Variants in MAPK6 observed in about 807,000 individuals in gnomAD.
The protein encoded by MAPK6 is ERK-3.
MAPK6 carries 19 observed loss-of-function variants against 59.3 expected under a neutral mutation model. The observed-to-expected ratio is 0.32, with a 90% CI of 0.22 to 0.47. The LOEUF is 0.47. Among genes scored for constraint, MAPK6 ranks in the 20% least tolerant of loss-of-function variants. The pLI is 1.00. For synonymous variants in MAPK6, 316 were observed against 290.3 expected (o/e 1.09, Z -0.90); for missense variants, 724 against 847.9 (o/e 0.85, Z 1.81).
chr15:52,056,161 T>C (rs571114575), intron 3 of MAPK6, among the ~76,000 whole-genome samples: 1 of 152,368 alleles, frequency 6.6e-6, no homozygotes, highest in Admixed American at 6.5e-5. Flanking sequence ...TCTTATTTTT[T>C]GGTGCATTTC....
chr15:51,997,901 ATTTTCTTTC>A (rs1246752175), intron 2 of MAPK6, among the ~76,000 whole-genome samples: 1 of 146,940 alleles, frequency 6.8e-6, no homozygotes, highest in Non-Finnish European at 1.5e-5. Flanking sequence ...CTTTAAAGTT[ATTTTCTTTC>A]TTTTCTTTCT....
chr15:52,051,203 G>T (rs992223967), intron 3 of MAPK6, among the ~76,000 whole-genome samples: 1 of 152,020 alleles, frequency 6.6e-6, no homozygotes, highest in Non-Finnish European at 1.5e-5. Context: ...GACTACAGGC[G>T]CCCGCCCCGT....
intron 5 of MAPK6, among the ~76,000 whole-genome samples, chr15:52,061,920 A>AT (rs1255950430): frequency 6.6e-6 from 1 of 152,214 alleles, no homozygotes; most frequent in Non-Finnish European, 1.5e-5. Flanking sequence ...AGGCATATTT[A>AT]TAAAGTCCTT....
At chr15:52,042,441 C>T (rs969326758) in intron 1 of MAPK6, among the ~76,000 whole-genome samples, 7 of 152,208 alleles carry the variant, frequency 4.6e-5, no homozygotes, top group African/African-American at 1.7e-4. Flanking sequence ...TTTTTACCCA[C>T]TCTTACCTCG....
At chr15:51,978,012 A>C (rs2057162128) in intron 1 of MAPK6, among the ~76,000 whole-genome samples, 1 of 151,940 alleles carries the variant, frequency 6.6e-6, no homozygotes, top group African/African-American at 2.4e-5. Flanking sequence ...GGTTGCTCAA[A>C]TATTTTACAG....
intron 3 of MAPK6, among the ~76,000 whole-genome samples, chr15:52,056,382 A>G (rs1032492632): frequency 6.6e-6 from 1 of 151,986 alleles, no homozygotes; most frequent in Non-Finnish European, 1.5e-5. Context: ...CTGACCCCAC[A>G]GTCCCTCAGC....
At chr15:51,982,045 C>G (rs185399276) in intron 1 of MAPK6, among the ~76,000 whole-genome samples, 41 of 152,256 alleles carry the variant, frequency 2.7e-4, no homozygotes, top group African/African-American at 9.9e-4. Context: ...CCCAACAGCA[C>G]AAACACAGAG....
intron 1 of MAPK6, among the ~76,000 whole-genome samples, chr15:52,027,249 C>G (rs1331947507): frequency 7.4e-6 from 1 of 135,804 alleles, no homozygotes; most frequent in Non-Finnish European, 1.5e-5. Flanking sequence ...ACTCGGGAGG[C>G]TGAGACAGAA....
intron 1 of MAPK6, chr15:51,971,947 G>T: frequency 1.7e-6 from 1 of 584,722 alleles, no homozygotes; most frequent in Admixed American, 2.7e-5. Context: ...GTCAATATCT[G>T]TTATTTGCCA....
At chr15:51,998,504 CTTTT>C (rs368179816) in intron 2 of MAPK6, among the ~76,000 whole-genome samples, 2 of 128,542 alleles carry the variant, frequency 1.6e-5, no homozygotes, top group Admixed American at 8.0e-5. Context: ...CGCACCTGGC[CTTTT>C]TTTTTTTTTT....
rs370792259 is a variant in MAPK6, at chr15:52,028,113, C to T, written c.-632+8737C>T. ...GACTACAGGCGCCTGCCACCACGCC[C>T]GGCTAATTTTTTGTATTTTTAGTAG... On this transcript the variant is annotated intron_variant, in intron 1 of 5. Coordinates refer to ENST00000261845, the MANE Select transcript of MAPK6 (RefSeq NM_002748.4). Among the ~76,000 whole-genome samples, 7 of 152,012 alleles carry T rather than the reference C, an allele frequency of 4.6e-5. No homozygotes were observed. The East Asian group carries it at 7.8e-4, about 17-fold the overall frequency.
chr15:52,053,942 C>T (rs1386183120), intron 3 of MAPK6, among the ~76,000 whole-genome samples: 1 of 151,770 alleles, frequency 6.6e-6, no homozygotes, highest in Non-Finnish European at 1.5e-5. Flanking sequence ...AGGCCTGAAA[C>T]AAGATTTTAA....
intron 1 of MAPK6, chr15:52,020,024 A>G (rs572455519): frequency 3.3e-5 from 5 of 152,554 alleles, no homozygotes; most frequent in Non-Finnish European, 4.4e-5. Context: ...GAGTCTTGCC[A>G]TGAATGAGGT....
At chr15:51,997,921 TTC>T (rs371955119) in intron 2 of MAPK6, among the ~76,000 whole-genome samples, 1 of 149,844 alleles carries the variant, frequency 6.7e-6, no homozygotes, top group Non-Finnish European at 1.5e-5. Flanking sequence ...TTTTCTTTCT[TTC>T]TCTTTCTTTC....
chr15:52,055,917 A>G (rs545127125), intron 3 of MAPK6, among the ~76,000 whole-genome samples: 1 of 152,370 alleles, frequency 6.6e-6, no homozygotes, highest in East Asian at 1.9e-4. Context: ...ACTCTTAAGT[A>G]GCATAGTTTT....
chr15:52,023,775 C>T (rs1210191905), intron 1 of MAPK6, among the ~76,000 whole-genome samples: 1 of 152,164 alleles, frequency 6.6e-6, no homozygotes, highest in African/African-American at 2.4e-5. Context: ...CCATGACCAG[C>T]TAATTTTTGT....
At chr15:51,987,192 A>G (rs890411085) in intron 2 of MAPK6, among the ~76,000 whole-genome samples, 2 of 152,252 alleles carry the variant, frequency 1.3e-5, no homozygotes, top group Non-Finnish European at 2.9e-5. Context: ...AGAAAAGTCT[A>G]GATTACTTTT....
chr15:52,056,394 A>T (rs2031984872), intron 3 of MAPK6, among the ~76,000 whole-genome samples: 1 of 151,924 alleles, frequency 6.6e-6, no homozygotes, highest in African/African-American at 2.4e-5. Context: ...TCCCTCAGCT[A>T]CTGCCACATA....
chr15:51,983,002 T>C (rs2057179220), intron 1 of MAPK6, among the ~76,000 whole-genome samples: 1 of 152,200 alleles, frequency 6.6e-6, no homozygotes, highest in Admixed American at 6.5e-5. Flanking sequence ...TGGATAAGTT[T>C]AACTTTCAGA....
Sources: allele counts gnomAD v4.1 joint callset (sites outside exome capture counted in the v4.1 genomes callset), GRCh38; gene constraint gnomAD v4.1.1; transcripts MANE v1.5; gene names NCBI Gene and HGNC (gene_info 2026-07-23, HGNC 2026-07-21).